The following CAPN8 variants were observed in gnomAD, a reference collection of about 807,000 sequenced individuals.
The protein encoded by CAPN8 is calpain-8.
CAPN8 carries 87 observed loss-of-function variants against 80.9 expected under a neutral mutation model. The observed-to-expected ratio is 1.07, with a 90% CI of 0.90 to 1.28. The LOEUF is 1.28. Ranked by LOEUF, CAPN8 falls within the 50% of genes most tolerant of loss-of-function variation. The probability of loss-of-function intolerance (pLI) is 0.00; values close to 1 mark genes in which losing one functional copy is unlikely to be tolerated. For synonymous variants in CAPN8, 299 were observed against 273.8 expected (o/e 1.09, Z -0.91); for missense variants, 757 against 702.0 (o/e 1.08, Z -0.89).
chr1:223,632,884 T>A (rs369407686), intron 2 of CAPN8, among the ~76,000 whole-genome samples: 1 of 152,314 alleles, frequency 6.6e-6, no homozygotes. Flanking sequence ...CATGTCCTGA[T>A]GAAGTGGGGC....
At chr1:223,638,879 C>A (rs1657976659) in intron 2 of CAPN8, among the ~76,000 whole-genome samples, 1 of 152,212 alleles carries the variant, frequency 6.6e-6, no homozygotes, top group African/African-American at 2.4e-5. Flanking sequence ...TACAAATGTA[C>A]CTCAGCCTAA....
At chr1:223,544,510 G>T (rs1360773363) in intron 18 of CAPN8, among the ~76,000 whole-genome samples, 1 of 152,164 alleles carries the variant, frequency 6.6e-6, no homozygotes, top group African/African-American at 2.4e-5. Context: ...CTCCTTCATA[G>T]CCCCTTCCTC....
In CAPN8 at chr1:223,543,108, C is replaced by T. The variant is rs1455821458; in HGVS notation, c.2088G>A (p.Glu696=). ...KDGMVQLSLA[E]WLCCVLV ...ATTCATCAAACCTCAGGACATTCAC[C>T]TCGGCCAGAGAGAGCTGAACCATGC... The change falls in exon 20 of 21, where the codon GAG becomes GAA. Residue 696 remains glutamate (E), a splice_region_variant and synonymous_variant. Coordinates refer to ENST00000366872, the MANE Select transcript of CAPN8 (RefSeq NM_001143962.2). 2 of 1,551,540 alleles carry T rather than the reference C, an allele frequency of 1.3e-6. No homozygotes were observed. The highest frequency in any genetic ancestry group is 1.4e-5 in the African/African-American group (1 of 73,036).
At position 223,612,341 on chromosome 1, in the gene CAPN8, A is replaced by C. The variant is rs976979928; in HGVS notation, c.1312-84T>G. ...CTTTTCCTCTCTCCCTATGTCTTGC[A>C]AACAGACTGTGCAGTCCTGGGGCAA... On this transcript the variant is annotated intron_variant, in intron 10 of 20. Transcript: ENST00000366872. 12 of 1,194,922 alleles carry C rather than the reference A, an allele frequency of 1.0e-5. No individual in the cohort carries two copies. The African/African-American group carries it at 1.9e-4, about 19-fold the overall frequency. The allele number at this position is 1,194,922 out of a possible 1,614,324, so 74.0% of individuals were successfully genotyped here. A position where few individuals can be genotyped will look rare whatever the true frequency, so the allele number is the denominator to read the frequency against.
intron 18 of CAPN8, among the ~76,000 whole-genome samples, 181 bp downstream of exon 18, chr1:223,544,591 A>T (rs1558334373): frequency 6.6e-6 from 1 of 152,210 alleles, no homozygotes; most frequent in Non-Finnish European, 1.5e-5. Context: ...TGCTATATGG[A>T]ATCGAGCAAT....
rs1466751664 is a variant in CAPN8, at chr1:223,665,563, C to T, written c.84G>A (p.Leu28=). The change falls in exon 1 of 21, where the codon TTG becomes TTA. Residue 28 remains leucine, a synonymous_variant. Coordinates refer to ENST00000366872, the MANE Select transcript of CAPN8 (RefSeq NM_001143962.2). ...GCCTCAGGGTCTTGAAATCCTGGCCCAAGTACTTCAAAGCGTTTTGGTTGG... is the reference window on the plus strand; with the variant it reads ...GCCTCAGGGTCTTGAAATCCTGGCCTAAGTACTTCAAAGCGTTTTGGTTGG... ...LGSNQNALKY[L]GQDFKTLRQQ... 1.9e-6 allele frequency: 3 copies of T among 1,551,664 alleles called. No homozygotes were observed. Among genetic ancestry groups the T allele is most frequent in the Admixed American group, 2.0e-5 (1 of 50,994 alleles).
chr1:223,626,957 A>G, intron 5 of CAPN8, 32 bp downstream of exon 5: 1 of 1,539,614 alleles, frequency 6.5e-7, no homozygotes, highest in Non-Finnish European at 8.8e-7. Flanking sequence ...CGGTGGGGGG[A>G]GGTGGGGCAG....
intron 2 of CAPN8, among the ~76,000 whole-genome samples, chr1:223,652,087 C>T (rs1434990344): frequency 6.6e-6 from 1 of 152,108 alleles, no homozygotes; most frequent in Non-Finnish European, 1.5e-5. Context: ...TCACACAGAA[C>T]TCTATGAAAA....
intron 13 of CAPN8, 97 bp from the exon 14 acceptor site, chr1:223,553,997 G>T: frequency 2.5e-6 from 1 of 396,992 alleles, no homozygotes; most frequent in Non-Finnish European, 4.4e-6. Context: ...TAGTATCTAT[G>T]ATGCACCTAC....
intron 2 of CAPN8, among the ~76,000 whole-genome samples, chr1:223,640,423 G>T (rs1030113368): frequency 2.0e-5 from 3 of 152,134 alleles, no homozygotes; most frequent in African/African-American, 7.2e-5. Context: ...CCAGGAAGTT[G>T]CTGGTGTCCT....
At chr1:223,634,696 G>A (rs187358287) in intron 2 of CAPN8, among the ~76,000 whole-genome samples, 8 of 152,244 alleles carry the variant, frequency 5.3e-5, no homozygotes, top group South Asian at 4.1e-4. Context: ...GTCCTCAAAC[G>A]GCAGAAGGGG....
chr1:223,622,528 CA>C, intron 7 of CAPN8: 1 of 463,478 alleles, frequency 2.2e-6, no homozygotes, highest in Non-Finnish European at 3.9e-6. Flanking sequence ...CACGGTGCGT[CA>C]GGTAAAAAAC....
chr1:223,542,588 C>T (rs555019459), intron 20 of CAPN8, among the ~76,000 whole-genome samples: 5 of 152,196 alleles, frequency 3.3e-5, no homozygotes, highest in Non-Finnish European at 7.3e-5. Flanking sequence ...GACATCTCCA[C>T]ACTTCCTGCT....
At chr1:223,628,444 T>A (rs963593598) in intron 3 of CAPN8, among the ~76,000 whole-genome samples, 1 of 152,200 alleles carries the variant, frequency 6.6e-6, no homozygotes, top group African/African-American at 2.4e-5. Context: ...GAAGGCCACG[T>A]GGCCTAGGGG....
intron 13 of CAPN8, among the ~76,000 whole-genome samples, chr1:223,557,035 G>C (rs1017328645): frequency 6.6e-6 from 1 of 152,148 alleles, no homozygotes; most frequent in African/African-American, 2.4e-5. Context: ...CTCGAGGCAG[G>C]GGGCGCTATT....
chr1:223,622,605 A>G (rs949790023), intron 7 of CAPN8: 9 of 561,516 alleles, frequency 1.6e-5, no homozygotes, highest in Non-Finnish European at 2.8e-5. Context: ...CCAAAGCAGA[A>G]AGCCAGAATC....
chr1:223,647,374 T>C (rs1244772664), intron 2 of CAPN8, among the ~76,000 whole-genome samples: 1 of 152,196 alleles, frequency 6.6e-6, no homozygotes, highest in Non-Finnish European at 1.5e-5. Context: ...CTATGTAAAA[T>C]GCAGATTTAC....
chr1:223,613,251 G>A (rs927743013), intron 10 of CAPN8, among the ~76,000 whole-genome samples: 1 of 152,212 alleles, frequency 6.6e-6, no homozygotes, highest in Non-Finnish European at 1.5e-5. Context: ...CACTTCTGGA[G>A]CCCCCATGGG....
chr1:223,616,206 A>G (rs1657182406), intron 9 of CAPN8, 61 bp from the exon 10 acceptor site: 1 of 1,486,322 alleles, frequency 6.7e-7, no homozygotes. Context: ...GAAGAAGAAT[A>G]AAGTAAAAGG....
Sources: gnomAD v4.1 joint callset for allele counts (sites outside exome capture counted in the v4.1 genomes callset) on GRCh38, gnomAD v4.1.1 for gene constraint, MANE v1.5 for transcripts, NCBI Gene and HGNC (gene_info 2026-07-23, HGNC 2026-07-21) for gene names.